PDE1C: variants seen among roughly 807,000 people sequenced by gnomAD.
The protein encoded by PDE1C is phosphodiesterase 1C, also known as dual specificity calcium/calmodulin-dependent 3',5'-cyclic nucleotide phosphodiesterase 1C.
In PDE1C, 62 loss-of-function variants were observed where a neutral mutation model predicts 93.1. The observed-to-expected ratio is 0.67, with a 90% CI of 0.54 to 0.82. PDE1C has a LOEUF of 0.82. Ranked by LOEUF, PDE1C falls within the 40% of genes least tolerant of loss-of-function variation. PDE1C has a pLI of 0.00. For synonymous variants in PDE1C, 325 were observed against 310.1 expected (o/e 1.05, Z -0.50); for missense variants, 742 against 884.6 (o/e 0.84, Z 2.04).
intron 1 of PDE1C, among the ~76,000 whole-genome samples, chr7:32,247,118 A>C (rs1476827646): frequency 6.6e-6 from 1 of 152,250 alleles, no homozygotes; most frequent in African/African-American, 2.4e-5. Context: ...AAAAGATGAC[A>C]CTTGAACCTA....
chr7:31,981,841 G>A (rs1326858634), intron 2 of PDE1C, among the ~76,000 whole-genome samples: 5 of 152,186 alleles, frequency 3.3e-5, no homozygotes, highest in Non-Finnish European at 7.3e-5. Context: ...ATAACTGAAA[G>A]TTAAATATGA....
At chr7:31,828,423 C>A in intron 11 of PDE1C, 50 bp from the exon 12 acceptor site, 1 of 1,469,470 alleles carries the variant, frequency 6.8e-7, no homozygotes. Flanking sequence ...GGCTGGGTCA[C>A]CCAGATTTCA....
At chr7:32,134,581 A>T (rs1800098960) in intron 3 of PDE1C, among the ~76,000 whole-genome samples, 1 of 152,206 alleles carries the variant, frequency 6.6e-6, no homozygotes. Flanking sequence ...TGCAGCCATA[A>T]AAAAGAATGA....
chr7:32,175,116 A>T (rs1208785840), intron 2 of PDE1C, among the ~76,000 whole-genome samples: 1 of 152,164 alleles, frequency 6.6e-6, no homozygotes, highest in East Asian at 1.9e-4. Flanking sequence ...AGTTTAAAAG[A>T]AAACTGTGGT....
the PDE1C span, among the ~76,000 whole-genome samples, chr7:31,659,745 A>C: frequency 6.6e-6 from 1 of 152,202 alleles, no homozygotes; most frequent in African/African-American, 2.4e-5. Context: ...ATATTGCAGG[A>C]AAATTTTGTG....
the PDE1C span, among the ~76,000 whole-genome samples, chr7:31,667,600 G>A: frequency 4.0e-5 from 6 of 151,754 alleles, no homozygotes; most frequent in South Asian, 1.0e-3. Context: ...TCACATTCTA[G>A]TGATGGAGGG....
intron 1 of PDE1C, among the ~76,000 whole-genome samples, chr7:32,421,101 A>G (rs77300575): frequency 0.18 from 28,078 of 151,936 alleles, 2,750 homozygotes; most frequent in East Asian, 0.3. Flanking sequence ...ACACACACAC[A>G]CACACACACA....
the PDE1C span, among the ~76,000 whole-genome samples, chr7:31,663,507 T>C: frequency 6.6e-6 from 1 of 152,246 alleles, no homozygotes; most frequent in Non-Finnish European, 1.5e-5. Flanking sequence ...CTTGATTTTA[T>C]GCCGGAAAAT....
At chr7:31,885,250 TTTCTC>T (rs1382683983) in intron 2 of PDE1C, among the ~76,000 whole-genome samples, 1 of 152,182 alleles carries the variant, frequency 6.6e-6, no homozygotes, top group Non-Finnish European at 1.5e-5. Flanking sequence ...ATTAATAAGA[TTTCTC>T]TTCTGAGAGA....
At chr7:31,899,577 C>G (rs1562996933) in intron 2 of PDE1C, among the ~76,000 whole-genome samples, 1 of 152,016 alleles carries the variant, frequency 6.6e-6, no homozygotes, top group Non-Finnish European at 1.5e-5. Context: ...AAAAGCAATA[C>G]AGATTTTACA....
intron 3 of PDE1C, among the ~76,000 whole-genome samples, chr7:32,092,896 A>C (rs2128745563): frequency 6.6e-6 from 1 of 152,226 alleles, no homozygotes; most frequent in East Asian, 1.9e-4. Context: ...TTCCTAAGGA[A>C]AGTTTAGAAA....
At chr7:31,705,488 T>C in the PDE1C span, among the ~76,000 whole-genome samples, 1 of 152,332 alleles carries the variant, frequency 6.6e-6, no homozygotes, top group Admixed American at 6.5e-5. Context: ...GTTTCATAAG[T>C]GATTTATGCA....
At chr7:31,643,623 G>A in the PDE1C span, 1 of 1,613,916 alleles carries the variant, frequency 6.2e-7, no homozygotes, top group Middle Eastern at 1.6e-4. Flanking sequence ...CAAGACTGGG[G>A]ACAAAAGCAA....
intron 17 of PDE1C, among the ~76,000 whole-genome samples, chr7:31,766,382 T>C (rs895264618): frequency 3.7e-4 from 38 of 101,794 alleles, no homozygotes; most frequent in Non-Finnish European, 2.3e-4. Context: ...AGACTGTGTC[T>C]CAAAAAAAAA....
At chr7:32,198,072 T>G (rs954421419) in intron 2 of PDE1C, among the ~76,000 whole-genome samples, 1 of 152,220 alleles carries the variant, frequency 6.6e-6, no homozygotes, top group African/African-American at 2.4e-5. Context: ...AGTCCTTGTA[T>G]CCTATATTCA....
intron 1 of PDE1C, among the ~76,000 whole-genome samples, chr7:32,355,928 C>G (rs1487794122): frequency 6.6e-6 from 1 of 152,240 alleles, no homozygotes; most frequent in East Asian, 1.9e-4. Context: ...GTTCTCCCAT[C>G]ATACTCTCAA....
intron 2 of PDE1C, among the ~76,000 whole-genome samples, chr7:31,914,952 C>T (rs1172378537): frequency 6.6e-6 from 1 of 152,192 alleles, no homozygotes; most frequent in Non-Finnish European, 1.5e-5. Context: ...CCCAATATCT[C>T]CATTTCGTCT....
At chr7:32,240,233 T>C (rs1203584707) in intron 1 of PDE1C, among the ~76,000 whole-genome samples, 1 of 152,242 alleles carries the variant, frequency 6.6e-6, no homozygotes, top group African/African-American at 2.4e-5. Flanking sequence ...ATAAAATATT[T>C]CATAATTTTT....
the PDE1C span, among the ~76,000 whole-genome samples, chr7:31,637,298 T>C: frequency 3.2e-4 from 49 of 152,182 alleles, no homozygotes; most frequent in Admixed American, 2.3e-3. Context: ...TGTAGATCCC[T>C]GAGGAATCGC....
Sources: gnomAD v4.1 joint callset for allele counts (sites outside exome capture counted in the v4.1 genomes callset) on GRCh38, gnomAD v4.1.1 for gene constraint, MANE v1.5 for transcripts, NCBI Gene and HGNC (gene_info 2026-07-23, HGNC 2026-07-21) for gene names.